The following INSRR variants were observed in gnomAD, a reference collection of about 807,000 sequenced individuals.
The protein encoded by INSRR is insulin receptor-related protein.
Under a neutral mutation model 130.0 loss-of-function variants are expected in INSRR, and 114 were observed. That is an observed-to-expected ratio of 0.88 (90% CI 0.75 to 1.02). The LOEUF (loss-of-function observed/expected upper bound fraction) is 1.02, where lower values mean the gene tolerates loss of function less well. Among genes scored for constraint, INSRR ranks in the 50% least tolerant of loss-of-function variants. The pLI is 0.00. For missense variants in INSRR, 1,657 were observed against 1,735.2 expected (o/e 0.95, Z 0.80); for synonymous variants, 674 against 705.2 (o/e 0.96, Z 0.70).
chr1:156,853,785 A>G lies in INSRR; in HGVS notation c.604T>C (p.Tyr202His). Residue 202 changes from tyrosine to histidine, a missense_variant, in exon 2 of 22, where the codon TAC becomes CAC. Tyr to His is a moderately conservative substitution (Grantham distance 83). Coordinates refer to ENST00000368195, the MANE Select transcript of INSRR (RefSeq NM_014215.3). ...CAGTGGCTGGAGGTCCAGCATCTGT[A>G]GTCAGTGTGCCCGCTGAAGGTGGTC... ...AKTTFSGHTD[Y>H]RCWTSSHCQR... 6.2e-7 allele frequency: 1 copy of G among 1,608,956 alleles called. No homozygotes were observed. The highest frequency in any genetic ancestry group is 8.5e-7 in the Non-Finnish European group (1 of 1,176,166).
chr1:156,842,840 G>A (rs1053291539), intron 17 of INSRR, among the ~76,000 whole-genome samples, 164 bp downstream of exon 17: 1 of 152,112 alleles, frequency 6.6e-6, no homozygotes, highest in African/African-American at 2.4e-5. Context: ...CTATGACCCT[G>A]TTTGACTCTA....
Position 156,854,415 on chromosome 1 carries a change from C to A in INSRR, c.86-112G>T. Reference sequence around the variant, plus strand: ...TGGCAGTAGGACAATGAGTGAGGAGCCGGGCTCTGCTCTGGGTGTGGGGTG... The same window carrying A: ...TGGCAGTAGGACAATGAGTGAGGAGACGGGCTCTGCTCTGGGTGTGGGGTG... On this transcript the variant is annotated intron_variant, in intron 1 of 21. Transcript: ENST00000368195. This position sits in a 1 kb window ranked among gnomAD's most constrained non-coding sequence, Gnocchi z 4.2. 8.7e-7 allele frequency: 1 copy of A among 1,146,924 alleles called. No individual in the cohort carries two copies. The highest frequency in any genetic ancestry group is 1.2e-6 in the Non-Finnish European group (1 of 823,444). 71.0% of individuals were successfully genotyped at this position (1,146,924 alleles called of 1,614,324 possible).
Position 156,858,627 on chromosome 1 carries a change from C to T in INSRR, c.-6G>A, listed in dbSNP as rs1248978388. ...CACAGACTAGGCACTGCCATTGTCC[C>T]AGCCCTGGCTTGTGTCCAGTCCCGG... On this transcript the variant is annotated 5_prime_UTR_variant, in exon 1 of 22. Transcript: ENST00000368195. 3.7e-6 allele frequency: 6 copies of T among 1,613,566 alleles called. No individual in the cohort carries two copies. In the African/African-American group the frequency reaches 8.0e-5, roughly 22 times the overall value.
chr1:156,854,321 A>G lies in INSRR; in HGVS notation c.86-18T>C. 1 of 1,592,786 alleles carries G rather than the reference A, an allele frequency of 6.3e-7. No individual in the cohort carries two copies. The highest frequency in any genetic ancestry group is 8.5e-7 in the Non-Finnish European group (1 of 1,170,454). On this transcript the variant is annotated intron_variant, in intron 1 of 21. Transcript: ENST00000368195. This position sits in a 1 kb window ranked among gnomAD's most constrained non-coding sequence, Gnocchi z 4.2. ...GGGGCACACTGTGGGCATACACGGCACGCAGCATTGAGTACAGCCCAGGCC... is the reference window on the plus strand; with the variant it reads ...GGGGCACACTGTGGGCATACACGGCGCGCAGCATTGAGTACAGCCCAGGCC...
chr1:156,848,195 C>T (rs1382192096), intron 7 of INSRR, among the ~76,000 whole-genome samples: 1 of 152,112 alleles, frequency 6.6e-6, no homozygotes, highest in African/African-American at 2.4e-5. Flanking sequence ...GACTTCCTTC[C>T]TTTCTCCTCC....
At chr1:156,841,208 T>C in intron 21 of INSRR, 104 bp from the exon 22 acceptor site, 1 of 1,031,032 alleles carries the variant, frequency 9.7e-7, no homozygotes, top group Non-Finnish European at 1.5e-6. Flanking sequence ...TCGTGGGCCA[T>C]TATGCCTGGG....
In INSRR at chr1:156,852,185, G is replaced by A. The variant is rs1017197275; in HGVS notation, c.644C>T (p.Pro215Leu). 6.9e-6 allele frequency: 11 copies of A among 1,595,060 alleles called. No homozygotes were observed. Among genetic ancestry groups the A allele is most frequent in the Non-Finnish European group, 7.7e-6 (9 of 1,168,728 alleles). The change falls in exon 3 of 22, where the codon CCC (proline) becomes CTC (leucine). Residue 215 changes from proline to leucine, a missense_variant. By Grantham distance (98) the Pro-to-Leu change is moderately conservative. Transcript: ENST00000368195. Reference protein sequence around the residue: ...WTSSHCQRVCPCPHGMACTAR... With the variant: ...WTSSHCQRVCLCPHGMACTAR... ...TGTGCAAGCCATCCCATGGGGGCAG[G>A]GGCACACTGTGGGGAGAGTGGTGTG...
At position 156,844,243 on chromosome 1, in the gene INSRR, A is replaced by G; in HGVS notation, c.2775T>C (p.Thr925=). The part of the protein sequence containing the change: ...EDAGGLHVLL[T]ATPVGLTLLI... ...GCAGCGTGAGCCCCACAGGGGTGGC[A>G]GTGAGGAGGACATGCAGCCCCCCAG... The change falls in exon 15 of 22, where the codon ACT becomes ACC. Residue 925 remains threonine, a synonymous_variant. Transcript: ENST00000368195. 1.2e-6 allele frequency: 2 copies of G among 1,613,966 alleles called. No individual in the cohort carries two copies. Among genetic ancestry groups the G allele is most frequent in the Non-Finnish European group, 1.7e-6 (2 of 1,179,976 alleles).
At chr1:156,843,283 C>A (rs139605261) in intron 16 of INSRR, 50 bp from the exon 17 acceptor site, 9 of 1,583,206 alleles carry the variant, frequency 5.7e-6, no homozygotes, top group Non-Finnish European at 6.9e-6. Flanking sequence ...CTCTGCCACA[C>A]CTCACCCCCC....
chr1:156,843,514 GT>G, intron 15 of INSRR, 35 bp from the exon 16 acceptor site: 1 of 1,606,006 alleles, frequency 6.2e-7, no homozygotes, highest in South Asian at 1.1e-5. Context: ...GGCTGGAAGG[GT>G]TCTCAGGAAG....
rs1654755782 is a variant in INSRR, at chr1:156,840,964, G to C, written c.3803C>G (p.Ala1268Gly). Residue 1268 changes from alanine to glycine, a missense_variant, in exon 22 of 22, where the codon GCC becomes GGC. Physicochemically the swap from Ala to Gly is moderately conservative, Grantham distance 60. Coordinates refer to ENST00000368195, the MANE Select transcript of INSRR (RefSeq NM_014215.3). ...SFYYSPECRG[A>G]RGSLPTTDAE... ...ATCGGTGGTAGGCAGGGAGCCCCGGGCCCCCCGGCATTCCGGGCTGTAGTA... is the reference window on the plus strand; with the variant it reads ...ATCGGTGGTAGGCAGGGAGCCCCGGCCCCCCCGGCATTCCGGGCTGTAGTA... The C allele has an allele frequency of 1.9e-6, 3 of 1,613,790 alleles. No homozygotes were observed. The highest frequency in any genetic ancestry group is 2.7e-5 in the African/African-American group (2 of 74,932).
intron 7 of INSRR, among the ~76,000 whole-genome samples, chr1:156,846,970 C>T (rs1223372383): frequency 6.6e-6 from 1 of 152,140 alleles, no homozygotes; most frequent in East Asian, 1.9e-4. Context: ...TGATATAGCT[C>T]CTCATCCTTA....
At chr1:156,850,534 CTTTTT>C (rs35237064) in intron 5 of INSRR, among the ~76,000 whole-genome samples, 1,040 of 58,636 alleles carry the variant, frequency 0.018, 27 homozygotes, top group African/African-American at 0.055. Flanking sequence ...TTAAAACATT[CTTTTT>C]TTTTTTTTTT....
In INSRR at chr1:156,854,390, T is replaced by C; in HGVS notation, c.86-87A>G. On this transcript the variant is annotated intron_variant, in intron 1 of 21. Transcript: ENST00000368195. The surrounding 1 kb of genome is among the most constrained non-coding windows in gnomAD (Gnocchi z 4.2). ...TGGCAGCTTTGGAGGGGAGCCACAC[T>C]GGCAGTAGGACAATGAGTGAGGAGC... The C allele has an allele frequency of 1.5e-6, 2 of 1,325,012 alleles. No homozygotes were observed. Among genetic ancestry groups the C allele is most frequent in the Non-Finnish European group, 2.1e-6 (2 of 974,502 alleles). The allele number at this position is 1,325,012 out of a possible 1,614,324, so 82.1% of individuals were successfully genotyped here.
chr1:156,841,626 T>A, intron 20 of INSRR, 39 bp downstream of exon 20: 1 of 1,609,962 alleles, frequency 6.2e-7, no homozygotes, highest in Non-Finnish European at 8.5e-7. Flanking sequence ...AGATCCCGCC[T>A]CCACATCCCT....
chr1:156,850,276 A>C (rs958588297), intron 5 of INSRR, among the ~76,000 whole-genome samples: 2 of 152,028 alleles, frequency 1.3e-5, no homozygotes, highest in Non-Finnish European at 2.9e-5. Context: ...TAGTGGCACG[A>C]TCTCAGCTCA....
intron 7 of INSRR, among the ~76,000 whole-genome samples, chr1:156,848,326 C>G (rs1218315305): frequency 6.6e-6 from 1 of 152,212 alleles, no homozygotes; most frequent in African/African-American, 2.4e-5. Context: ...AGCATGAACT[C>G]CTTACTCCTG....
At position 156,852,059 on chromosome 1, in the gene INSRR, G is replaced by A. The variant is rs540195536; in HGVS notation, c.770C>T (p.Ala257Val). Residue 257 changes from alanine to valine, a missense_variant, in exon 3 of 22, where the codon GCC becomes GTC. Ala to Val is a moderately conservative substitution (Grantham distance 64, BLOSUM62 0). Coordinates refer to ENST00000368195, the MANE Select transcript of INSRR (RefSeq NM_014215.3). ...VACRHLYFQG[A>V]CLWACPPGTY... ...GCCTGGCGGGCAGGCCCACAGGCAG[G>A]CACCCTGGAAGTAGAGGTGGCGGCA... 1.2e-5 allele frequency: 20 copies of A among 1,613,588 alleles called. No homozygotes were observed. In the East Asian group the frequency reaches 4.0e-4, roughly 32 times the overall value.
chr1:156,859,002 A>G lies in INSRR; in HGVS notation c.-381T>C, dbSNP rs2102875910. 1 of 208,154 alleles carries G rather than the reference A, an allele frequency of 4.8e-6. No homozygotes were observed. The highest frequency in any genetic ancestry group is 9.9e-6 in the Non-Finnish European group (1 of 100,730). 12.9% of individuals were successfully genotyped at this position (208,154 alleles called of 1,614,324 possible). On this transcript the variant is annotated 5_prime_UTR_variant, in exon 1 of 22. Transcript: ENST00000368195. This position sits in a 1 kb window ranked among gnomAD's most constrained non-coding sequence, Gnocchi z 6.2. ...GAGCAGCAGGCTGGGGACCGCTCCC[A>G]AGGAGGGCAGCGGGGGTCCCGGGGC... is the stretch of plus-strand genomic sequence containing the variant.
Sources: gnomAD v4.1 joint callset for allele counts (sites outside exome capture counted in the v4.1 genomes callset) on GRCh38, gnomAD v4.1.1 for gene constraint, Gnocchi (gnomAD v3.1) non-coding constraint, MANE v1.5 for transcripts, NCBI Gene and HGNC (gene_info 2026-07-23, HGNC 2026-07-21) for gene names.